Variants in SYT1 observed in about 807,000 individuals in gnomAD.
SYT1 encodes synaptotagmin 1.
SYT1 carries 8 observed loss-of-function variants against 44.8 expected under a neutral mutation model. The observed-to-expected ratio is 0.18, with a 90% CI of 0.10 to 0.32. SYT1 has a LOEUF of 0.32. Ranked by LOEUF, SYT1 falls within the 10% of genes least tolerant of loss-of-function variation. SYT1 has a pLI of 1.00. For synonymous variants in SYT1, 154 were observed against 188.8 expected, an observed-to-expected ratio of 0.82 and a Z score of 1.51; for missense variants, 286 against 509.3, an observed-to-expected ratio of 0.56 and a Z score of 4.22.
chr12:79,188,523 T>A (rs1230980549), intron 3 of SYT1, among the ~76,000 whole-genome samples: 10 of 152,108 alleles, frequency 6.6e-5, no homozygotes, highest in Non-Finnish European at 2.9e-5. Context: ...CTTTATTGCA[T>A]CCTCATGGAG....
At chr12:79,051,348 T>C (rs1874473755) in intron 3 of SYT1, among the ~76,000 whole-genome samples, 1 of 149,916 alleles carries the variant, frequency 6.7e-6, no homozygotes, top group Non-Finnish European at 1.5e-5. Flanking sequence ...ATCTCCACTA[T>C]GTATGTATAA....
Position 79,125,562 on chromosome 12 carries a change from C to A in SYT1, c.-18+78200C>A, listed in dbSNP as rs1868384311. 4.0e-5 allele frequency among the ~76,000 whole-genome samples: 6 copies of A among 149,358 alleles called. No homozygotes were observed. The Admixed American group carries it at 4.0e-4, about 10-fold the overall frequency. On this transcript the variant is annotated intron_variant, in intron 3 of 10. Transcript: ENST00000261205. ...TTGATCCTGGGAGGTGGAGACTGCACTGAGCTGTGATTGCACCACTGCACC... is the reference window on the plus strand; with the variant it reads ...TTGATCCTGGGAGGTGGAGACTGCAATGAGCTGTGATTGCACCACTGCACC...
chr12:79,164,753 T>A (rs1340809567), intron 3 of SYT1, among the ~76,000 whole-genome samples: 1 of 152,072 alleles, frequency 6.6e-6, no homozygotes, highest in East Asian at 1.9e-4. Flanking sequence ...AGATTTAAAT[T>A]TATTTTTTAA....
chr12:79,284,633 C>A (rs1267717054), intron 4 of SYT1, among the ~76,000 whole-genome samples: 4 of 151,794 alleles, frequency 2.6e-5, no homozygotes, highest in Non-Finnish European at 5.9e-5. Flanking sequence ...GTCAGGAGAT[C>A]GAGACCATCC....
At chr12:79,100,177 T>G (rs1405411061) in intron 3 of SYT1, among the ~76,000 whole-genome samples, 1 of 152,128 alleles carries the variant, frequency 6.6e-6, no homozygotes, top group East Asian at 1.9e-4. Context: ...TAATATTATT[T>G]TGTTGAGTAC....
rs1288154417 is a variant in SYT1 at position 78,987,659 on chromosome 12, G to T, written c.-84+9728G>T. Among the ~76,000 whole-genome samples, 3 of 151,838 alleles carry T rather than the reference G, an allele frequency of 2.0e-5. No individual in the cohort carries two copies. In the East Asian group the frequency reaches 5.8e-4, roughly 29 times the overall value. The stretch of plus-strand genomic sequence containing the variant: ...TACTCTGCATACATAGTTACCATTT[G>T]CTATTTACTTTACATTAGGGATATA... On this transcript the variant is annotated intron_variant, in intron 2 of 10. Coordinates refer to ENST00000261205, the MANE Select transcript of SYT1 (RefSeq NM_005639.3).
chr12:79,322,640 G>A (rs1018705697), intron 8 of SYT1, among the ~76,000 whole-genome samples: 2 of 152,016 alleles, frequency 1.3e-5, no homozygotes, highest in Non-Finnish European at 1.5e-5. Context: ...CAAACTCTCG[G>A]GGCGTTGGGC....
At chr12:79,408,107 G>A (rs1244568664) in intron 9 of SYT1, among the ~76,000 whole-genome samples, 2 of 152,100 alleles carry the variant, frequency 1.3e-5, no homozygotes, top group African/African-American at 2.4e-5. Flanking sequence ...GCAATCCTGG[G>A]TGAGCTACTC....
chr12:79,040,634 C>A (rs1263126005), intron 2 of SYT1, among the ~76,000 whole-genome samples: 1 of 151,816 alleles, frequency 6.6e-6, no homozygotes, highest in Non-Finnish European at 1.5e-5. Flanking sequence ...TTAATTAGAT[C>A]CCATTTGTCA....
At chr12:78,952,678 T>C (rs1046398088) in intron 1 of SYT1, among the ~76,000 whole-genome samples, 1 of 152,140 alleles carries the variant, frequency 6.6e-6, no homozygotes, top group Non-Finnish European at 1.5e-5. Flanking sequence ...TTCCCCTATG[T>C]TCTTCTTTCC....
At chr12:79,007,935 T>C (rs1871195730) in intron 2 of SYT1, among the ~76,000 whole-genome samples, 1 of 152,104 alleles carries the variant, frequency 6.6e-6, no homozygotes, top group African/African-American at 2.4e-5. Context: ...TGTCTGGCAC[T>C]GGTTTTAGGA....
At chr12:79,014,122 C>CAAAAAAAAAAAA (rs1358787041) in intron 2 of SYT1, among the ~76,000 whole-genome samples, 1 of 39,694 alleles carries the variant, frequency 2.5e-5, no homozygotes. Context: ...AGACTCTCTC[C>CAAAAAAAAAAAA]AAAAAAAAAA....
At chr12:79,039,121 A>G (rs1418988470) in intron 2 of SYT1, among the ~76,000 whole-genome samples, 6 of 152,004 alleles carry the variant, frequency 3.9e-5, no homozygotes, top group Non-Finnish European at 7.4e-5. Context: ...TTAGGTCTAC[A>G]GGGTGTGAGC....
At chr12:79,289,373 T>C (rs1879461924) in intron 5 of SYT1, among the ~76,000 whole-genome samples, 1 of 152,238 alleles carries the variant, frequency 6.6e-6, no homozygotes, top group Non-Finnish European at 1.5e-5. Flanking sequence ...ACTGATTTAA[T>C]AGGTCTGAAT....
At chr12:79,377,057 T>C (rs2136062661) in intron 9 of SYT1, among the ~76,000 whole-genome samples, 1 of 152,320 alleles carries the variant, frequency 6.6e-6, no homozygotes, top group South Asian at 2.1e-4. Context: ...CTGTGTGCCA[T>C]GTATTGTTAA....
intron 3 of SYT1, among the ~76,000 whole-genome samples, chr12:79,199,023 T>C (rs184867509): frequency 3.3e-5 from 5 of 152,300 alleles, no homozygotes; most frequent in Admixed American, 6.5e-5. Context: ...CATTCTGATA[T>C]TGATTTTCAG....
chr12:79,040,308 T>C (rs1873458250), intron 2 of SYT1, among the ~76,000 whole-genome samples: 2 of 151,982 alleles, frequency 1.3e-5, no homozygotes, highest in South Asian at 2.1e-4. Flanking sequence ...TTTTAATGAT[T>C]GCCATTCTAA....
chr12:79,285,928 A>G lies in SYT1; in HGVS notation c.308A>G (p.Asn103Ser). 6.2e-7 allele frequency: 1 copy of G among 1,613,420 alleles called. No individual in the cohort carries two copies. Among genetic ancestry groups the G allele is most frequent in the Non-Finnish European group, 8.5e-7 (1 of 1,179,856 alleles). ...GAAAAAGGAGGGAAGAATGCCATTA[A>G]CATGAAAGATGTAAAAGACTTAGGG... ...GKEKGGKNAI[N>S]MKDVKDLGKT... Residue 103 changes from asparagine (N) to serine (S), a missense_variant, in exon 5 of 11, where the codon AAC becomes AGC. Around this residue, in one of 6 missense-constraint regions of SYT1, gnomAD observed 141 missense variants for 165.7 expected, o/e 0.85. Transcript: ENST00000261205.
rs112398221 is a variant in SYT1 at position 78,885,478 on chromosome 12, A to C, written c.-217+20369A>C. Among the ~76,000 whole-genome samples the C allele has an allele frequency of 8.2e-3, 1,249 of 152,130 alleles. 15 individuals are homozygous for C. The highest frequency in any genetic ancestry group is 0.028 in the African/African-American group (1,183 of 41,562). On this transcript the variant is annotated intron_variant, in intron 1 of 10. Transcript: ENST00000261205. Reference sequence around the variant, plus strand: ...AAAAAATAAAAATAAAAAACAAGGAAAGAGAGTAGAGAGTGCCAAGTTGGG... The same window carrying C: ...AAAAAATAAAAATAAAAAACAAGGACAGAGAGTAGAGAGTGCCAAGTTGGG...
Sources: gnomAD v4.1 joint callset for allele counts (sites outside exome capture counted in the v4.1 genomes callset) on GRCh38, gnomAD v4.1.1 for gene constraint, gnomAD v4.1.1 regional missense constraint, MANE v1.5 for transcripts, NCBI Gene and HGNC (gene_info 2026-07-23, HGNC 2026-07-21) for gene names.